The following RANBP2 variants were observed in gnomAD, a reference collection of about 807,000 sequenced individuals.
RANBP2 encodes RAN binding protein 2.
A neutral mutation model predicts 303.6 loss-of-function variants in RANBP2; 57 were observed. The ratio of observed to expected loss-of-function variants is 0.19; its 90% CI spans 0.15 to 0.23. The LOEUF (loss-of-function observed/expected upper bound fraction) is 0.23, where lower values mean the gene tolerates loss of function less well. Ranked by LOEUF, RANBP2 falls within the 10% of genes least tolerant of loss-of-function variation. RANBP2 has a pLI of 1.00. For missense variants in RANBP2, 3,138 were observed against 3,780.8 expected (o/e 0.83, Z 4.46); for synonymous variants, 1,167 against 1,301.5 (o/e 0.90, Z 2.23).
chr2:109,217,602 A>G, the RANBP2 span, among the ~76,000 whole-genome samples: 1 of 152,252 alleles, frequency 6.6e-6, no homozygotes, highest in African/African-American at 2.4e-5. Flanking sequence ...CATGTGTTAT[A>G]AACAGAATCA....
chr2:108,796,300 C>T, the RANBP2 span, among the ~76,000 whole-genome samples: 7 of 151,810 alleles, frequency 4.6e-5, no homozygotes, highest in South Asian at 6.3e-4. Context: ...GTGATCCGCC[C>T]GCCTCTGCCT....
the RANBP2 span, among the ~76,000 whole-genome samples, chr2:109,694,609 C>T: frequency 6.6e-6 from 1 of 152,076 alleles, no homozygotes; most frequent in African/African-American, 2.4e-5. Context: ...AGGCTGTTCT[C>T]ACATTGCTAT....
the RANBP2 span, among the ~76,000 whole-genome samples, chr2:109,005,806 T>G: frequency 6.6e-6 from 1 of 152,230 alleles, no homozygotes; most frequent in Non-Finnish European, 1.5e-5. Flanking sequence ...GTTATCCCTG[T>G]ATTTTCCTGG....
chr2:109,613,902 G>T, the RANBP2 span: 3 of 1,224,374 alleles, frequency 2.5e-6, no homozygotes, highest in East Asian at 3.2e-5. Context: ...ACGGCGGCGG[G>T]AAGGCCGGAG....
chr2:109,509,321 T>A, the RANBP2 span, among the ~76,000 whole-genome samples: 1 of 152,180 alleles, frequency 6.6e-6, no homozygotes, highest in Non-Finnish European at 1.5e-5. Context: ...CCTGTATCAG[T>A]CACTTAGGCT....
the RANBP2 span, among the ~76,000 whole-genome samples, chr2:109,387,479 C>T: frequency 1.7e-3 from 258 of 152,320 alleles, no homozygotes; most frequent in African/African-American, 6.1e-3. Context: ...TCCTCAGACA[C>T]TCCAGCCAGC....
At chr2:108,812,715 T>C in the RANBP2 span, 1 of 1,606,078 alleles carries the variant, frequency 6.2e-7, no homozygotes, top group Non-Finnish European at 8.5e-7. Context: ...ACAGGTAAGT[T>C]GCCTGTTCTT....
chr2:109,750,734 T>C, the RANBP2 span, among the ~76,000 whole-genome samples: 164 of 102,712 alleles, frequency 1.6e-3, 21 homozygotes, highest in African/African-American at 5.8e-3. Flanking sequence ...TAATAATTTT[T>C]TTTTTTCGAG....
the RANBP2 span, among the ~76,000 whole-genome samples, chr2:109,219,135 C>T: frequency 5.3e-5 from 8 of 152,212 alleles, no homozygotes; most frequent in Non-Finnish European, 1.0e-4. Flanking sequence ...TTCCACCTCT[C>T]TCGCTCACAC....
the RANBP2 span, among the ~76,000 whole-genome samples, chr2:109,582,667 A>G: frequency 2.6e-5 from 4 of 152,180 alleles, no homozygotes; most frequent in African/African-American, 9.7e-5. Context: ...TCACAGAATT[A>G]GAAAAAACTA....
intron 1 of RANBP2, among the ~76,000 whole-genome samples, chr2:108,723,499 T>G (rs1189184244): frequency 6.6e-6 from 1 of 151,928 alleles, no homozygotes; most frequent in Non-Finnish European, 1.5e-5. Flanking sequence ...ATAGTCTCGA[T>G]CTCCTGACCT....
At chr2:109,002,295 C>A in the RANBP2 span, among the ~76,000 whole-genome samples, 4 of 152,180 alleles carry the variant, frequency 2.6e-5, no homozygotes, top group African/African-American at 7.2e-5. Context: ...GGGTTCCTTA[C>A]GCTTGTGAGC....
chr2:108,913,831 T>C, the RANBP2 span, among the ~76,000 whole-genome samples: 2 of 151,016 alleles, frequency 1.3e-5, no homozygotes, highest in African/African-American at 4.9e-5. Context: ...GCGCCTGTAG[T>C]CCCAGCTACT....
rs181807390 is a variant in RANBP2, at chr2:108,741,897, C to T, written c.975+1216C>T. On this transcript the variant is annotated intron_variant, in intron 7 of 28. Transcript: ENST00000283195. Reference sequence around the variant, plus strand: ...AGTCTTCCAAAAAAGCATTAAACCACGCTTAGAAAAATGATTGTTAATTTT... The same window carrying T: ...AGTCTTCCAAAAAAGCATTAAACCATGCTTAGAAAAATGATTGTTAATTTT... Among the ~76,000 whole-genome samples the T allele has an allele frequency of 2.3e-4, 34 of 149,590 alleles. No individual in the cohort carries two copies. The East Asian group carries it at 3.5e-3, about 16-fold the overall frequency.
the RANBP2 span, among the ~76,000 whole-genome samples, chr2:109,004,362 G>C: frequency 6.6e-6 from 1 of 152,206 alleles, no homozygotes; most frequent in African/African-American, 2.4e-5. Context: ...AATGGTCTCA[G>C]ACTAAAAGCA....
chr2:109,012,894 A>G, the RANBP2 span, among the ~76,000 whole-genome samples: 3 of 152,186 alleles, frequency 2.0e-5, no homozygotes, highest in African/African-American at 4.8e-5. Flanking sequence ...AGCCTGGGCG[A>G]CAGAGCGAGA....
At chr2:109,199,137 A>G in the RANBP2 span, among the ~76,000 whole-genome samples, 5 of 151,896 alleles carry the variant, frequency 3.3e-5, no homozygotes, top group African/African-American at 1.2e-4. Context: ...AGGCGGGTGG[A>G]TCACAAGGTC....
At chr2:109,728,558 C>T in the RANBP2 span, among the ~76,000 whole-genome samples, 1 of 151,438 alleles carries the variant, frequency 6.6e-6, no homozygotes, top group Non-Finnish European at 1.5e-5. Context: ...TGGGTTCAAG[C>T]GATTCTCCTG....
the RANBP2 span, among the ~76,000 whole-genome samples, chr2:108,881,399 G>T: frequency 1.3e-5 from 2 of 152,216 alleles, no homozygotes; most frequent in African/African-American, 4.8e-5. Context: ...TATTGTGGCC[G>T]ATTTGTATCA....
Sources: gnomAD v4.1 joint callset for allele counts (sites outside exome capture counted in the v4.1 genomes callset) on GRCh38, gnomAD v4.1.1 for gene constraint, MANE v1.5 for transcripts, NCBI Gene and HGNC (gene_info 2026-07-23, HGNC 2026-07-21) for gene names.